Variants in KCNMA1 observed in about 807,000 individuals in gnomAD.
KCNMA1 encodes the protein potassium calcium-activated channel subfamily M alpha 1.
KCNMA1 carries 29 observed loss-of-function variants against 140.0 expected under a neutral mutation model. The ratio of observed to expected loss-of-function variants is 0.21; its 90% CI spans 0.15 to 0.28. KCNMA1 has a LOEUF of 0.28. KCNMA1 is among the 10% of genes least tolerant of loss of function. The pLI is 1.00. For missense variants in KCNMA1, 880 were observed against 1,602.2 expected (o/e 0.55, Z 7.70); for synonymous variants, 612 against 611.9 (o/e 1.00, Z 0.00).
intron 2 of KCNMA1, among the ~76,000 whole-genome samples, chr10:77,366,018 T>G (rs1219982900): frequency 6.6e-6 from 1 of 152,164 alleles, no homozygotes; most frequent in East Asian, 1.9e-4. Flanking sequence ...CAGACTGCAG[T>G]GAGGTGAATA....
intron 6 of KCNMA1, 69 bp from the exon 7 acceptor site, chr10:77,112,511 G>T (rs941847372): frequency 8.8e-7 from 1 of 1,139,150 alleles, no homozygotes; most frequent in South Asian, 1.2e-5. Flanking sequence ...TGCCTTACAG[G>T]GTAACAGCAC....
chr10:77,312,264 C>A (rs1006159218), intron 2 of KCNMA1, among the ~76,000 whole-genome samples: 2 of 152,072 alleles, frequency 1.3e-5, no homozygotes, highest in Non-Finnish European at 2.9e-5. Flanking sequence ...GGCTGATTGA[C>A]CAAAAGTGGA....
chr10:77,405,680 A>G (rs2096448864), intron 1 of KCNMA1, among the ~76,000 whole-genome samples: 1 of 152,254 alleles, frequency 6.6e-6, no homozygotes, highest in African/African-American at 2.4e-5. Context: ...AGATGTTTAA[A>G]AAGATGCCAG....
intron 15 of KCNMA1, 96 bp from the exon 16 acceptor site, chr10:77,027,987 C>T: frequency 9.1e-7 from 1 of 1,102,040 alleles, no homozygotes. Flanking sequence ...CTAATGCAGT[C>T]ATTACCGAGG....
chr10:77,242,899 TACAC>T (rs199668848), intron 3 of KCNMA1, among the ~76,000 whole-genome samples: 2,318 of 111,618 alleles, frequency 0.021, 34 homozygotes, highest in African/African-American at 0.036. Flanking sequence ...AATTGTTTCC[TACAC>T]ACACACACAC....
chr10:77,078,712 C>G (rs2096475596), intron 13 of KCNMA1, among the ~76,000 whole-genome samples: 1 of 152,218 alleles, frequency 6.6e-6, no homozygotes, highest in African/African-American at 2.4e-5. Context: ...CCCGAGGACA[C>G]AAAATAGGGC....
At chr10:77,522,012 T>C (rs530569230) in intron 1 of KCNMA1, among the ~76,000 whole-genome samples, 3 of 152,020 alleles carry the variant, frequency 2.0e-5, no homozygotes, top group Admixed American at 2.0e-4. Context: ...CTATCTCTAC[T>C]AAAAATACAA....
intron 1 of KCNMA1, among the ~76,000 whole-genome samples, chr10:77,601,700 A>G (rs528774489): frequency 6.6e-6 from 1 of 152,256 alleles, no homozygotes; most frequent in East Asian, 1.9e-4. Context: ...GGTCATTACC[A>G]TGGTGTCTCC....
intron 3 of KCNMA1, among the ~76,000 whole-genome samples, chr10:77,196,311 G>A (rs1195251736): frequency 2.0e-5 from 3 of 152,114 alleles, no homozygotes; most frequent in Non-Finnish European, 2.9e-5. Context: ...CTGGGAAAGA[G>A]GAATGGGTCT....
rs528741499 is a variant in KCNMA1, at chr10:77,048,622, TG to T, written c.1750-8986del. On this transcript the variant is annotated intron_variant, in intron 14 of 27. Coordinates refer to ENST00000286628, the MANE Select transcript of KCNMA1 (RefSeq NM_001161352.2). ...TCATAGCTCAATAATAGTTTCTGAA[TG>T]AATGAAATAAACTTGGGAAGCACAG... 1.4e-3 allele frequency among the ~76,000 whole-genome samples: 212 copies of T among 152,342 alleles called. 1 individual carries two copies. Among genetic ancestry groups the T allele is most frequent in the Non-Finnish European group, 1.3e-3 (90 of 68,032 alleles).
chr10:77,195,004 C>T (rs2039960291), intron 3 of KCNMA1, among the ~76,000 whole-genome samples: 2 of 152,008 alleles, frequency 1.3e-5, no homozygotes, highest in Admixed American at 1.3e-4. Context: ...ATTATAATGG[C>T]TTATATCTAT....
intron 1 of KCNMA1, among the ~76,000 whole-genome samples, chr10:77,511,742 A>T (rs1182699133): frequency 6.6e-6 from 1 of 152,182 alleles, no homozygotes; most frequent in East Asian, 1.9e-4. Context: ...TGACCTCAGG[A>T]TGTGACTATA....
chr10:77,296,908 T>TG (rs781675116), intron 2 of KCNMA1, among the ~76,000 whole-genome samples: 10,017 of 79,014 alleles, frequency 0.13, 571 homozygotes, highest in Middle Eastern at 0.22. Context: ...CCTGGGTGTG[T>TG]GGGCGGGGGG....
intron 1 of KCNMA1, among the ~76,000 whole-genome samples, chr10:77,554,597 C>CAAAAAAAAAAAAAAAAAAAAAAAAA (rs59754706): frequency 2.4e-5 from 2 of 84,098 alleles, no homozygotes; most frequent in Non-Finnish European, 4.7e-5. Flanking sequence ...TACTCCATCT[C>CAAAAAAAAAAAAAAAAAAAAAAAAA]AAAAAAAAAA....
At chr10:77,599,094 TA>T (rs1461226168) in intron 1 of KCNMA1, among the ~76,000 whole-genome samples, 1 of 152,166 alleles carries the variant, frequency 6.6e-6, no homozygotes, top group African/African-American at 2.4e-5. Context: ...AAAGTCAAAA[TA>T]AAGGTATCTG....
At chr10:77,441,004 C>T (rs533458744) in intron 1 of KCNMA1, among the ~76,000 whole-genome samples, 9,596 of 149,448 alleles carry the variant, frequency 0.064, 994 homozygotes, top group African/African-American at 0.22. Flanking sequence ...GTTTTTTTTT[C>T]AGTAGAGACG....
intron 2 of KCNMA1, among the ~76,000 whole-genome samples, chr10:77,290,422 G>A (rs2072781573): frequency 6.6e-6 from 1 of 152,212 alleles, no homozygotes; most frequent in Admixed American, 6.5e-5. Context: ...TTACAACCTT[G>A]TTAAATGAGG....
intron 1 of KCNMA1, among the ~76,000 whole-genome samples, chr10:77,426,494 A>G (rs980778010): frequency 6.6e-6 from 1 of 152,192 alleles, no homozygotes; most frequent in Non-Finnish European, 1.5e-5. Context: ...CACAGTTATA[A>G]GAGGTTGAGC....
chr10:76,877,874 T>C, exon 30 of KCNMA1: 1 of 1,610,570 alleles, frequency 6.2e-7, no homozygotes, highest in Non-Finnish European at 8.5e-7. Context: ...CCGGTTCATC[T>C]GTAAACCATT....
Sources: allele counts gnomAD v4.1 joint callset (sites outside exome capture counted in the v4.1 genomes callset), GRCh38; gene constraint gnomAD v4.1.1; transcripts MANE v1.5; gene names NCBI Gene and HGNC (gene_info 2026-07-23, HGNC 2026-07-21).